SLC27A4: variants seen among roughly 807,000 people sequenced by gnomAD.
The protein encoded by SLC27A4 is long-chain fatty acid transport protein 4.
SLC27A4 carries 33 observed loss-of-function variants against 64.4 expected under a neutral mutation model. That is an observed-to-expected ratio of 0.51 (90% CI 0.39 to 0.68). The LOEUF is 0.68. Among genes scored for constraint, SLC27A4 ranks in the 30% least tolerant of loss-of-function variants. The probability of loss-of-function intolerance (pLI) is 0.00; values close to 1 mark genes in which losing one functional copy is unlikely to be tolerated. For missense variants in SLC27A4, 824 were observed against 883.5 expected (o/e 0.93, Z 0.85); for synonymous variants, 377 against 370.0 (o/e 1.02, Z -0.22).
intron 3 of SLC27A4, among the ~76,000 whole-genome samples, chr9:128,347,382 T>C (rs922907531): frequency 2.0e-5 from 3 of 152,160 alleles, no homozygotes; most frequent in Non-Finnish European, 4.4e-5. Flanking sequence ...ACTCTGTTTT[T>C]TCTCCCCACA....
At chr9:128,340,920 G>A in intron 1 of SLC27A4, 82 bp downstream of exon 1, 1 of 498,636 alleles carries the variant, frequency 2.0e-6, no homozygotes, top group Non-Finnish European at 3.7e-6. Flanking sequence ...GCGGACCCCA[G>A]GTGGGGGGCG....
intron 4 of SLC27A4, 106 bp from the exon 5 acceptor site, chr9:128,350,206 G>C (rs1239575708): frequency 1.0e-5 from 9 of 861,224 alleles, no homozygotes; most frequent in South Asian, 7.2e-5. Context: ...GCAAGGGTGT[G>C]ATGGGAACAG....
At chr9:128,346,206 A>G (rs1484012881) in intron 3 of SLC27A4, among the ~76,000 whole-genome samples, 2 of 150,644 alleles carry the variant, frequency 1.3e-5, no homozygotes, top group African/African-American at 4.9e-5. Flanking sequence ...TGGCCTACTA[A>G]AAAAAGTTTT....
At position 128,345,558 on chromosome 9, in the gene SLC27A4, C is replaced by T. The variant is rs1373050901; in HGVS notation, c.556+9C>T. On this transcript the variant is annotated intron_variant, in intron 3 of 12. Coordinates refer to ENST00000300456, the MANE Select transcript of SLC27A4 (RefSeq NM_005094.4). The surrounding 1 kb of genome is among the most constrained non-coding windows in gnomAD (Gnocchi z 4.1). The stretch of plus-strand genomic sequence containing the variant: ...CAGCGAAATGGCCTCAGGTGAGCCC[C>T]AAGGGGGCGGGGGACAAGCAGGAAC... 2.5e-6 allele frequency: 4 copies of T among 1,597,392 alleles called. No homozygotes were observed. In the East Asian group the frequency reaches 9.0e-5, roughly 36 times the overall value.
chr9:128,353,063 G>A lies in SLC27A4; in HGVS notation c.1026G>A (p.Leu342=). ...TTGGTGAACTGTGCCGCTACCTCCT[G>A]AACCAGCCACCGCGGGAGGCAGAAA... ...QYIGELCRYL[L]NQPPREAENQ... Residue 342 remains leucine (L), a synonymous_variant, in exon 8 of 13, where the codon CTG becomes CTA. Coordinates refer to ENST00000300456, the MANE Select transcript of SLC27A4 (RefSeq NM_005094.4). This position sits in a 1 kb window ranked among gnomAD's most constrained non-coding sequence, Gnocchi z 4.9. 2 of 1,614,072 alleles carry A rather than the reference G, an allele frequency of 1.2e-6. No homozygotes were observed. Among genetic ancestry groups the A allele is most frequent in the South Asian group, 2.2e-5 (2 of 91,074 alleles).
chr9:128,360,278 G>C, intron 12 of SLC27A4, 56 bp from the exon 13 acceptor site: 1 of 1,603,714 alleles, frequency 6.2e-7, no homozygotes, highest in Non-Finnish European at 8.5e-7. Context: ...TGGTGGTTGG[G>C]AAGCTGGGAG....
intron 12 of SLC27A4, among the ~76,000 whole-genome samples, chr9:128,357,599 C>T (rs985246724): frequency 3.3e-5 from 5 of 152,178 alleles, no homozygotes; most frequent in African/African-American, 9.6e-5. Flanking sequence ...AGGTGGGCAG[C>T]GGGCCCGCAG....
At chr9:128,357,876 G>A (rs369419691) in intron 12 of SLC27A4, among the ~76,000 whole-genome samples, 1 of 152,212 alleles carries the variant, frequency 6.6e-6, no homozygotes, top group East Asian at 1.9e-4. Flanking sequence ...GGTACCTGGA[G>A]TGCCTAAAGC....
At position 128,353,743 on chromosome 9, in the gene SLC27A4, C is replaced by CTT. The variant is rs567257198; in HGVS notation, c.1324+215_1324+216dup. 1.4e-5 allele frequency among the ~76,000 whole-genome samples: 2 copies of CTT among 140,938 alleles called. No homozygotes were observed. Among genetic ancestry groups the CTT allele is most frequent in the Non-Finnish European group, 3.1e-5 (2 of 65,256 alleles). 92.5% of individuals were successfully genotyped at this position (140,938 alleles called of 152,430 possible). On this transcript the variant is annotated intron_variant, in intron 9 of 12. Coordinates refer to ENST00000300456, the MANE Select transcript of SLC27A4 (RefSeq NM_005094.4). This position sits in a 1 kb window ranked among gnomAD's most constrained non-coding sequence, Gnocchi z 4.9. ...CTGTACATCAGTCCATTCATTCATT[C>CTT]TTTTTTTTTTTTTTATTTGAGACGG... is the stretch of plus-strand genomic sequence containing the variant.
In SLC27A4 at chr9:128,348,661, G is replaced by A. The variant is rs374877285; in HGVS notation, c.673G>A (p.Ala225Thr). ...ACACCTGGACCCTCTGCTGAAAGAT[G>A]CTCCCAAGCACCTTCCCAGTTGCCC... Reference protein sequence around the residue: ...TEHLDPLLKDAPKHLPSCPDK... With the variant: ...TEHLDPLLKDTPKHLPSCPDK... Residue 225 changes from alanine to threonine, a missense_variant, in exon 4 of 13, where the codon GCT becomes ACT. By Grantham distance (58) the Ala-to-Thr change is moderately conservative. Transcript: ENST00000300456. The A allele has an allele frequency of 2.5e-6, 4 of 1,613,978 alleles. No individual in the cohort carries two copies. The African/African-American group carries it at 5.3e-5, about 22-fold the overall frequency.
Position 128,355,467 on chromosome 9 carries a change from GGAAAGGTGA to G in SLC27A4, c.1536_1544del (p.Lys512_Glu514del). The G allele has an allele frequency of 6.2e-7, 1 of 1,613,644 alleles. No homozygotes were observed. Among genetic ancestry groups the G allele is most frequent in the Non-Finnish European group, 8.5e-7 (1 of 1,180,034 alleles). On this transcript the variant is annotated inframe_deletion, in exon 11 of 13. Transcript: ENST00000300456. ...GACCGCACTGGGGACACGTTCCGCT[GGAAAGGTGA>G]GAACGTGTCCACCACCGAGGTGGAA... is the stretch of plus-strand genomic sequence containing the variant.
In SLC27A4 at chr9:128,353,253, T is replaced by C. The variant is rs1832764626; in HGVS notation, c.1197+19T>C. Reference sequence around the variant, plus strand: ...CAGCCAGGTGCGGCCAGGTTGGGGATGGGCGAGGCTGCTGCAGGGATGGCC... The same window carrying C: ...CAGCCAGGTGCGGCCAGGTTGGGGACGGGCGAGGCTGCTGCAGGGATGGCC... On this transcript the variant is annotated intron_variant, in intron 8 of 12. Coordinates refer to ENST00000300456, the MANE Select transcript of SLC27A4 (RefSeq NM_005094.4). This position sits in a 1 kb window ranked among gnomAD's most constrained non-coding sequence, Gnocchi z 4.9. The C allele has an allele frequency of 1.9e-6, 3 of 1,612,912 alleles. No homozygotes were observed. The highest frequency in any genetic ancestry group is 1.7e-5 in the Admixed American group (1 of 59,972).
intron 12 of SLC27A4, among the ~76,000 whole-genome samples, chr9:128,358,727 G>A (rs1013910212): frequency 7.9e-5 from 12 of 152,202 alleles, no homozygotes; most frequent in East Asian, 3.8e-4. Flanking sequence ...GATTACAGGC[G>A]TGAGCCACCA....
chr9:128,345,037 G>A lies in SLC27A4; in HGVS notation c.162-118G>A, dbSNP rs1428311792. On this transcript the variant is annotated intron_variant, in intron 2 of 12. Coordinates refer to ENST00000300456, the MANE Select transcript of SLC27A4 (RefSeq NM_005094.4). The surrounding 1 kb of genome is among the most constrained non-coding windows in gnomAD (Gnocchi z 4.1). ...CCAGCAGGAGCCAGGAGATAGAAGTGTTGTAGGGGGTCTGGCTCATGAAGC... is the reference window on the plus strand; with the variant it reads ...CCAGCAGGAGCCAGGAGATAGAAGTATTGTAGGGGGTCTGGCTCATGAAGC... 11 of 1,228,076 alleles carry A rather than the reference G, an allele frequency of 9.0e-6. No individual in the cohort carries two copies. The highest frequency in any genetic ancestry group is 1.2e-5 in the Non-Finnish European group (10 of 860,020). The allele number at this position is 1,228,076 out of a possible 1,614,324, so 76.1% of individuals were successfully genotyped here.
At chr9:128,342,100 A>C (rs1320410337) in intron 1 of SLC27A4, 1 of 727,312 alleles carries the variant, frequency 1.4e-6, no homozygotes, top group African/African-American at 1.8e-5. Flanking sequence ...CCTGGATGTC[A>C]GAAGAGTGAA....
intron 1 of SLC27A4, chr9:128,342,253 G>A (rs754333192): frequency 1.2e-6 from 2 of 1,611,010 alleles, no homozygotes; most frequent in Non-Finnish European, 1.7e-6. Flanking sequence ...ACCCGATATG[G>A]CTGAGATTGA....
At chr9:128,350,204 G>A (rs1472100510) in intron 4 of SLC27A4, 108 bp from the exon 5 acceptor site, 7 of 840,866 alleles carry the variant, frequency 8.3e-6, no homozygotes, top group Non-Finnish European at 1.4e-5. Flanking sequence ...TAGCAAGGGT[G>A]TGATGGGAAC....
rs1832601685 is a variant in SLC27A4, at chr9:128,343,141, T to TGGAGCCTCTCTGGTG, written c.12_26dup (p.Ala5_Gly9dup). 1 of 1,613,742 alleles carries TGGAGCCTCTCTGGTG rather than the reference T, an allele frequency of 6.2e-7. No homozygotes were observed. Among genetic ancestry groups the TGGAGCCTCTCTGGTG allele is most frequent in the Admixed American group, 1.7e-5 (1 of 60,018 alleles). On this transcript the variant is annotated inframe_insertion, in exon 2 of 13. Coordinates refer to ENST00000300456, the MANE Select transcript of SLC27A4 (RefSeq NM_005094.4). Reference sequence around the variant, plus strand: ...TGTGTCCGCAGGCCACAATGCTGCTTGGAGCCTCTCTGGTGGGGGTGCTGC... The same window carrying TGGAGCCTCTCTGGTG: ...TGTGTCCGCAGGCCACAATGCTGCTTGGAGCCTCTCTGGTGGGAGCCTCTCTGGTGGGGGTGCTGC...
chr9:128,346,174 T>G (rs1832653401), intron 3 of SLC27A4, among the ~76,000 whole-genome samples: 1 of 152,102 alleles, frequency 6.6e-6, no homozygotes, highest in African/African-American at 2.4e-5. Context: ...GTGCTGGGAT[T>G]ATAGGCATGA....
Sources: allele counts gnomAD v4.1 joint callset (sites outside exome capture counted in the v4.1 genomes callset), GRCh38; gene constraint gnomAD v4.1.1; non-coding constraint Gnocchi (gnomAD v3.1); transcripts MANE v1.5; gene names NCBI Gene and HGNC (gene_info 2026-07-23, HGNC 2026-07-21).